Variants in CTNND2 observed in about 807,000 individuals in gnomAD.
The protein encoded by CTNND2 is catenin delta 2, also known as catenin delta-2.
Under a neutral mutation model 144.4 loss-of-function variants are expected in CTNND2, and 22 were observed. The observed-to-expected ratio is 0.15, with a 90% CI of 0.11 to 0.22. The LOEUF is 0.22. Ranked by LOEUF, CTNND2 falls within the 10% of genes least tolerant of loss-of-function variation. CTNND2 has a pLI of 1.00. For synonymous variants in CTNND2, 751 were observed against 695.6 expected, an observed-to-expected ratio of 1.08 and a Z score of -1.25; for missense variants, 1,353 against 1,618.8, an observed-to-expected ratio of 0.84 and a Z score of 2.82.
chr5:11,768,062 C>T (rs377630160), intron 1 of CTNND2, among the ~76,000 whole-genome samples: 1 of 151,782 alleles, frequency 6.6e-6, no homozygotes, highest in East Asian at 1.9e-4. Flanking sequence ...CCTTATCACA[C>T]TAATTTTTTT....
intron 2 of CTNND2, 85 bp downstream of exon 2, chr5:11,732,051 C>G: frequency 7.4e-7 from 1 of 1,347,984 alleles, no homozygotes; most frequent in South Asian, 1.4e-5. Flanking sequence ...TTTCTTTTAA[C>G]ATAATTTAAT....
chr5:11,187,520 A>C (rs1192008985), intron 11 of CTNND2, among the ~76,000 whole-genome samples: 2 of 152,234 alleles, frequency 1.3e-5, no homozygotes, highest in Non-Finnish European at 2.9e-5. Flanking sequence ...AAACCTAGGC[A>C]ATACCATTCA....
chr5:11,766,046 C>A (rs1486899318), intron 1 of CTNND2, among the ~76,000 whole-genome samples: 1 of 152,124 alleles, frequency 6.6e-6, no homozygotes, highest in African/African-American at 2.4e-5. Context: ...ACATATATAA[C>A]CAGGCCTTTT....
chr5:11,230,368 T>TAAA (rs34883596), intron 10 of CTNND2, among the ~76,000 whole-genome samples: 1 of 150,106 alleles, frequency 6.7e-6, no homozygotes, highest in African/African-American at 2.4e-5. Context: ...AAAGTATAAT[T>TAAA]AAAAAAAAAA....
Position 11,767,568 on chromosome 5 carries a change from T to C in CTNND2, c.38-35296A>G, listed in dbSNP as rs79952154. Among the ~76,000 whole-genome samples the C allele has an allele frequency of 4.5e-3, 681 of 152,352 alleles. 9 individuals carry two copies. Among genetic ancestry groups the C allele is most frequent in the African/African-American group, 0.016 (658 of 41,576 alleles). ...GCAAGTTAGATGAACGCCCATTTTT[T>C]ATCTTAGGGTCTTTTGGAAAACCTC... On this transcript the variant is annotated intron_variant, in intron 1 of 21. Transcript: ENST00000304623.
At chr5:11,766,818 A>G (rs953806162) in intron 1 of CTNND2, among the ~76,000 whole-genome samples, 4 of 152,148 alleles carry the variant, frequency 2.6e-5, no homozygotes, top group Non-Finnish European at 5.9e-5. Flanking sequence ...CTCCTGACAT[A>G]TGGTAACATA....
At chr5:11,173,704 AT>A (rs1246621276) in intron 11 of CTNND2, among the ~76,000 whole-genome samples, 4 of 152,184 alleles carry the variant, frequency 2.6e-5, no homozygotes, top group African/African-American at 9.6e-5. Context: ...TAAATTCCCA[AT>A]TGGAGCTATA....
chr5:11,109,938 T>C (rs372079372), intron 14 of CTNND2, among the ~76,000 whole-genome samples: 2 of 152,366 alleles, frequency 1.3e-5, no homozygotes, highest in East Asian at 3.9e-4. Context: ...GTATCATCTA[T>C]ACCTATATCT....
intron 12 of CTNND2, among the ~76,000 whole-genome samples, chr5:11,145,815 A>G (rs1167364338): frequency 1.3e-5 from 2 of 152,110 alleles, no homozygotes; most frequent in East Asian, 3.9e-4. Context: ...AGTCTTAACA[A>G]TCAGCTCCCA....
At chr5:11,114,219 C>CCACTGTTCGTCTTCCCTGGAGGCAT (rs1753314951) in intron 13 of CTNND2, among the ~76,000 whole-genome samples, 1 of 152,106 alleles carries the variant, frequency 6.6e-6, no homozygotes, top group Non-Finnish European at 1.5e-5. Context: ...CTTTCTCATC[C>CCACTGTTCGTCTTCCCTGGAGGCAT]CACTGTTCGT....
At chr5:11,017,813 C>T (rs1458541570) in intron 18 of CTNND2, among the ~76,000 whole-genome samples, 161 bp downstream of exon 18, 2 of 152,052 alleles carry the variant, frequency 1.3e-5, no homozygotes, top group Non-Finnish European at 2.9e-5. Flanking sequence ...TTAGGAGCTA[C>T]TCAGGGGACA....
intron 9 of CTNND2, among the ~76,000 whole-genome samples, chr5:11,244,555 G>A (rs967852116): frequency 6.6e-6 from 1 of 152,122 alleles, no homozygotes; most frequent in African/African-American, 2.4e-5. Context: ...AAAGTGCTGC[G>A]ATTACAGGCA....
chr5:11,792,512 A>C (rs1339313838), intron 1 of CTNND2, among the ~76,000 whole-genome samples: 1 of 152,234 alleles, frequency 6.6e-6, no homozygotes, highest in African/African-American at 2.4e-5. Flanking sequence ...AAAGAGAAAA[A>C]GTCCTGAGAT....
chr5:11,676,035 A>C (rs1234846992), intron 2 of CTNND2, among the ~76,000 whole-genome samples: 1 of 151,854 alleles, frequency 6.6e-6, no homozygotes, highest in East Asian at 2.0e-4. Context: ...ACCCTTGTGT[A>C]TCCTGACTGG....
At chr5:11,603,470 C>T (rs925279825) in intron 2 of CTNND2, among the ~76,000 whole-genome samples, 5 of 152,140 alleles carry the variant, frequency 3.3e-5, no homozygotes, top group Non-Finnish European at 7.4e-5. Flanking sequence ...AAACATCTTG[C>T]CTGTCTGTAA....
At chr5:11,679,778 A>G (rs1238975086) in intron 2 of CTNND2, among the ~76,000 whole-genome samples, 8 of 152,230 alleles carry the variant, frequency 5.3e-5, no homozygotes, top group Non-Finnish European at 8.8e-5. Flanking sequence ...AGTGGCTGCT[A>G]ATGATATTAG....
At chr5:11,638,901 G>T (rs1467551210) in intron 2 of CTNND2, among the ~76,000 whole-genome samples, 3 of 152,124 alleles carry the variant, frequency 2.0e-5, no homozygotes, top group Non-Finnish European at 2.9e-5. Flanking sequence ...AACAAGGCAG[G>T]TTTCTTATTT....
At chr5:11,214,513 A>G (rs1437828062) in intron 10 of CTNND2, among the ~76,000 whole-genome samples, 1 of 152,182 alleles carries the variant, frequency 6.6e-6, no homozygotes, top group Non-Finnish European at 1.5e-5. Context: ...CAGGGCCTTT[A>G]GGGGAGGGTT....
intron 11 of CTNND2, among the ~76,000 whole-genome samples, chr5:11,176,602 T>C (rs1743418274): frequency 6.6e-6 from 1 of 152,182 alleles, no homozygotes; most frequent in South Asian, 2.1e-4. Flanking sequence ...TGAGATCCTA[T>C]TGAACTATCT....
Sources: gnomAD v4.1 joint callset for allele counts (sites outside exome capture counted in the v4.1 genomes callset) on GRCh38, gnomAD v4.1.1 for gene constraint, MANE v1.5 for transcripts, NCBI Gene and HGNC (gene_info 2026-07-23, HGNC 2026-07-21) for gene names.